Variants in CFAP77 observed in about 807,000 individuals in gnomAD.
CFAP77 encodes the protein cilia and flagella associated protein 77.
CFAP77 carries 25 observed loss-of-function variants against 31.1 expected under a neutral mutation model. The ratio of observed to expected loss-of-function variants is 0.80; its 90% CI spans 0.59 to 1.12. CFAP77 has a LOEUF of 1.12. CFAP77 is among the 50% of genes most tolerant of loss of function. The pLI is 0.00. For missense variants in CFAP77, 377 were observed against 397.3 expected (o/e 0.95, Z 0.44); for synonymous variants, 151 against 159.9 (o/e 0.94, Z 0.42).
At chr9:132,431,643 G>A (rs1181978441) in intron 1 of CFAP77, among the ~76,000 whole-genome samples, 1 of 152,170 alleles carries the variant, frequency 6.6e-6, no homozygotes, top group Non-Finnish European at 1.5e-5. Context: ...CAGTGATCCT[G>A]AATATATACC....
At chr9:132,456,751 A>G (rs963956407) in intron 1 of CFAP77, among the ~76,000 whole-genome samples, 1 of 152,076 alleles carries the variant, frequency 6.6e-6, no homozygotes, top group Non-Finnish European at 1.5e-5. Flanking sequence ...AGATTTAAAA[A>G]AAATTTTTTT....
In CFAP77 at chr9:132,561,604, T is replaced by TACAC. The variant is rs61039438; in HGVS notation, c.733-10729_733-10726dup. Among the ~76,000 whole-genome samples the TACAC allele has an allele frequency of 6.9e-3, 774 of 111,536 alleles. 6 individuals carry two copies. Among genetic ancestry groups the TACAC allele is most frequent in the Middle Eastern group, 9.0e-3 (2 of 222 alleles). The allele number at this position is 111,536 out of a possible 152,430, so 73.2% of individuals were successfully genotyped here. ...TTTCTTCTGGCCATTGAGGTGCATGTACACACACACACACACACACACACA... is the reference window on the plus strand; with the variant it reads ...TTTCTTCTGGCCATTGAGGTGCATGTACACACACACACACACACACACACACACA... On this transcript the variant is annotated intron_variant, in intron 5 of 5. Coordinates refer to ENST00000393216, the MANE Select transcript of CFAP77 (RefSeq NM_001282957.2).
intron 1 of CFAP77, among the ~76,000 whole-genome samples, chr9:132,486,082 ATATATATATTT>A (rs1851548756): frequency 5.4e-5 from 1 of 18,560 alleles, no homozygotes; most frequent in South Asian, 2.5e-3. Context: ...ATATATATAT[ATATATATATTT>A]TTTTTTTTTT....
At chr9:132,486,582 G>A (rs189222421) in intron 1 of CFAP77, among the ~76,000 whole-genome samples, 80 of 152,272 alleles carry the variant, frequency 5.3e-4, no homozygotes, top group African/African-American at 1.7e-3. Flanking sequence ...TCCAATCAAG[G>A]TATTAGTTCC....
chr9:132,460,137 C>G (rs1369608537), intron 1 of CFAP77, among the ~76,000 whole-genome samples: 2 of 152,116 alleles, frequency 1.3e-5, no homozygotes, highest in Admixed American at 6.5e-5. Flanking sequence ...GGGGATAGTT[C>G]AGAAAAGCTA....
rs1206312951 is a variant in CFAP77 at position 132,495,149 on chromosome 9, T to C, written c.196-3546T>C. Among the ~76,000 whole-genome samples, 2 of 152,160 alleles carry C rather than the reference T, an allele frequency of 1.3e-5. No individual in the cohort carries two copies. The highest frequency in any genetic ancestry group is 2.9e-5 in the Non-Finnish European group (2 of 68,030). On this transcript the variant is annotated intron_variant, in intron 1 of 5. Coordinates refer to ENST00000393216, the MANE Select transcript of CFAP77 (RefSeq NM_001282957.2). This position sits in a 1 kb window ranked among gnomAD's most constrained non-coding sequence, Gnocchi z 4.2. Reference sequence around the variant, plus strand: ...GCTGAGTGGGTACAAAATAAATATTTGTGGAATGAAAGTATGAGCAAACCT... The same window carrying C: ...GCTGAGTGGGTACAAAATAAATATTCGTGGAATGAAAGTATGAGCAAACCT...
Position 132,545,679 on chromosome 9 carries a change from C to T in CFAP77, c.732+2632C>T, listed in dbSNP as rs1303261485. On this transcript the variant is annotated intron_variant, in intron 5 of 5. Transcript: ENST00000393216. The surrounding 1 kb of genome is among the most constrained non-coding windows in gnomAD (Gnocchi z 4.6). ...TGCCGTTATGGGTGTCACACGCAGT[C>T]GCCTCCTTGTCAGGAAGTAACACCA... Among the ~76,000 whole-genome samples the T allele has an allele frequency of 2.6e-5, 4 of 152,192 alleles. No homozygotes were observed. Among genetic ancestry groups the T allele is most frequent in the Admixed American group, 6.5e-5 (1 of 15,284 alleles).
At chr9:132,457,149 TGAAGATGAG>T (rs1272385454) in intron 1 of CFAP77, among the ~76,000 whole-genome samples, 1 of 151,988 alleles carries the variant, frequency 6.6e-6, no homozygotes, top group African/African-American at 2.4e-5. Flanking sequence ...CCCCCACCCC[TGAAGATGAG>T]GAAGATGAGG....
chr9:132,464,795 G>A (rs943810188), intron 1 of CFAP77, among the ~76,000 whole-genome samples: 1 of 152,086 alleles, frequency 6.6e-6, no homozygotes, highest in Non-Finnish European at 1.5e-5. Flanking sequence ...CTGTTTCATT[G>A]ACTTGGAAAT....
intron 1 of CFAP77, among the ~76,000 whole-genome samples, chr9:132,427,621 A>C (rs902121746): frequency 2.0e-5 from 3 of 152,114 alleles, no homozygotes; most frequent in South Asian, 2.1e-4. Context: ...TCTCAAAAAA[A>C]AACAACAACA....
rs953721651 is a variant in CFAP77 at position 132,477,083 on chromosome 9, G to A, written c.196-21612G>A. ...CCTCGTACATCTGCCTGTGTGTCTC[G>A]TGCCAGGCTGACTGGTTTCTCTGTG... On this transcript the variant is annotated intron_variant, in intron 1 of 5. Coordinates refer to ENST00000393216, the MANE Select transcript of CFAP77 (RefSeq NM_001282957.2). Among the ~76,000 whole-genome samples the A allele has an allele frequency of 2.6e-5, 4 of 152,162 alleles. No individual in the cohort carries two copies. In the East Asian group the frequency reaches 5.8e-4, roughly 22 times the overall value.
chr9:132,506,526 G>C (rs1334284869), intron 3 of CFAP77, among the ~76,000 whole-genome samples: 1 of 151,740 alleles, frequency 6.6e-6, no homozygotes, highest in Admixed American at 6.6e-5. Context: ...CTCTGCCGCT[G>C]TTCTGCTTGG....
At chr9:132,521,853 G>A (rs1345750599) in intron 3 of CFAP77, among the ~76,000 whole-genome samples, 1 of 135,718 alleles carries the variant, frequency 7.4e-6, no homozygotes, top group Non-Finnish European at 1.5e-5. Flanking sequence ...TGCAACCTCT[G>A]CCTCCCGGGT....
chr9:132,483,078 T>C lies in CFAP77; in HGVS notation c.196-15617T>C, dbSNP rs561338648. ...CCTGAGGTCAGGAGTTCGAGACCAG[T>C]CTGACCAACATGGAGAAACACACTC... On this transcript the variant is annotated intron_variant, in intron 1 of 5. Transcript: ENST00000393216. Among the ~76,000 whole-genome samples, 21 of 151,276 alleles carry C rather than the reference T, an allele frequency of 1.4e-4. No homozygotes were observed. The South Asian group carries it at 3.8e-3, about 27-fold the overall frequency.
At chr9:132,500,936 T>C (rs1851831402) in intron 3 of CFAP77, among the ~76,000 whole-genome samples, 1 of 152,250 alleles carries the variant, frequency 6.6e-6, no homozygotes, top group African/African-American at 2.4e-5. Flanking sequence ...CATCTTCTTC[T>C]GACTGCCCTA....
intron 1 of CFAP77, among the ~76,000 whole-genome samples, chr9:132,489,947 A>T (rs915932434): frequency 6.6e-6 from 1 of 152,112 alleles, no homozygotes; most frequent in Admixed American, 6.5e-5. Flanking sequence ...AATACCTGAG[A>T]TGGGGCAATA....
chr9:132,457,180 G>T (rs945026502), intron 1 of CFAP77, among the ~76,000 whole-genome samples: 2 of 151,972 alleles, frequency 1.3e-5, no homozygotes, highest in Non-Finnish European at 2.9e-5. Flanking sequence ...CAAGGTTTGC[G>T]TATTCTCTGG....
chr9:132,441,027 A>G (rs1311390571), intron 1 of CFAP77, among the ~76,000 whole-genome samples: 2 of 152,078 alleles, frequency 1.3e-5, no homozygotes, highest in African/African-American at 4.8e-5. Flanking sequence ...TGTTTTCACC[A>G]TCACCCTTCT....
chr9:132,461,096 C>G (rs1851041724), intron 1 of CFAP77, among the ~76,000 whole-genome samples: 1 of 152,158 alleles, frequency 6.6e-6, no homozygotes, highest in East Asian at 1.9e-4. Context: ...AATGTATGCT[C>G]ATTTATTTAC....
Sources: allele counts gnomAD v4.1 joint callset (sites outside exome capture counted in the v4.1 genomes callset), GRCh38; gene constraint gnomAD v4.1.1; non-coding constraint Gnocchi (gnomAD v3.1); transcripts MANE v1.5; gene names NCBI Gene and HGNC (gene_info 2026-07-23, HGNC 2026-07-21).